HNRNPA1L2: variants seen among roughly 807,000 people sequenced by gnomAD.
HNRNPA1L2 encodes heterogeneous nuclear ribonucleoprotein A1 like 2, also known as heterogeneous nuclear ribonucleoprotein A1-like 2.
A neutral mutation model predicts 18.2 loss-of-function variants in HNRNPA1L2; 10 were observed. The ratio of observed to expected loss-of-function variants is 0.55; its 90% CI spans 0.34 to 0.93. HNRNPA1L2 has a LOEUF of 0.93. Ranked by LOEUF, HNRNPA1L2 falls within the 40% of genes least tolerant of loss-of-function variation. HNRNPA1L2 has a pLI of 0.02. For synonymous variants in HNRNPA1L2, 124 were observed against 138.6 expected, an observed-to-expected ratio of 0.89 and a Z score of 0.74; for missense variants, 308 against 394.4, an observed-to-expected ratio of 0.78 and a Z score of 1.85.
At chr13:52,630,899 A>G in the HNRNPA1L2 span, among the ~76,000 whole-genome samples, 1 of 152,230 alleles carries the variant, frequency 6.6e-6, no homozygotes, top group African/African-American at 2.4e-5. Context: ...AATTTAACTG[A>G]ATCATTCAGC....
the HNRNPA1L2 span, among the ~76,000 whole-genome samples, chr13:52,636,685 CAT>C: frequency 6.6e-6 from 1 of 152,148 alleles, no homozygotes; most frequent in Non-Finnish European, 1.5e-5. Flanking sequence ...AAATAAGTCA[CAT>C]ATTGTATAAA....
At chr13:52,622,899 G>T in the HNRNPA1L2 span, among the ~76,000 whole-genome samples, 1 of 151,926 alleles carries the variant, frequency 6.6e-6, no homozygotes, top group African/African-American at 2.4e-5. Context: ...TTTCAGGGAT[G>T]TCATTAATTC....
At chr13:52,637,346 T>G in the HNRNPA1L2 span, 8 of 225,900 alleles carry the variant, frequency 3.5e-5, no homozygotes, top group African/African-American at 1.8e-4. Flanking sequence ...TGATAAGCAG[T>G]TAGCCACAGA....
the HNRNPA1L2 span, among the ~76,000 whole-genome samples, chr13:52,629,788 C>T: frequency 7.7e-4 from 117 of 152,200 alleles, no homozygotes; most frequent in African/African-American, 2.4e-3. Context: ...CCACCATCAA[C>T]GAAAAGAAAG....
At chr13:52,617,641 G>A in the HNRNPA1L2 span, 9 of 468,962 alleles carry the variant, frequency 1.9e-5, no homozygotes, top group African/African-American at 1.4e-4. Flanking sequence ...AGACATCAGC[G>A]GCTGCAATTT....
the HNRNPA1L2 span, among the ~76,000 whole-genome samples, chr13:52,635,201 C>T: frequency 1.2e-4 from 18 of 151,840 alleles, no homozygotes; most frequent in Non-Finnish European, 2.1e-4. Context: ...TCATAGAAAC[C>T]GATTCAGAAA....
At chr13:52,635,398 A>G in the HNRNPA1L2 span, among the ~76,000 whole-genome samples, 1,307 of 151,076 alleles carry the variant, frequency 8.7e-3, 25 homozygotes, top group African/African-American at 0.031. Flanking sequence ...AAAATTAGGG[A>G]AAAAAGTAGC....
chr13:52,624,944 T>A, the HNRNPA1L2 span, among the ~76,000 whole-genome samples: 1 of 151,792 alleles, frequency 6.6e-6, no homozygotes, highest in African/African-American at 2.4e-5. Flanking sequence ...GGTGGGAGAA[T>A]CCCTTGAACC....
At chr13:52,622,776 A>T in the HNRNPA1L2 span, among the ~76,000 whole-genome samples, 1 of 152,120 alleles carries the variant, frequency 6.6e-6, no homozygotes, top group Non-Finnish European at 1.5e-5. Flanking sequence ...AGAGCATTGT[A>T]ATTACTTGTG....
chr13:52,628,132 C>A, the HNRNPA1L2 span, among the ~76,000 whole-genome samples: 1 of 151,976 alleles, frequency 6.6e-6, no homozygotes. Context: ...GCGTGTGTAC[C>A]AGATGTATTT....
chr13:52,620,508 C>G, the HNRNPA1L2 span, among the ~76,000 whole-genome samples: 1 of 152,230 alleles, frequency 6.6e-6, no homozygotes, highest in African/African-American at 2.4e-5. Flanking sequence ...ATTAGCAACA[C>G]CTGGGAGCTT....
the HNRNPA1L2 span, among the ~76,000 whole-genome samples, chr13:52,624,046 C>T: frequency 4.6e-5 from 7 of 152,280 alleles, no homozygotes; most frequent in East Asian, 9.7e-4. Context: ...GCTTTCTCAC[C>T]GCATGGTGGC....
At chr13:52,634,099 T>C in the HNRNPA1L2 span, among the ~76,000 whole-genome samples, 2 of 152,220 alleles carry the variant, frequency 1.3e-5, no homozygotes, top group Non-Finnish European at 2.9e-5. Context: ...TTAACATTTG[T>C]TCATTAGAAC....
chr13:52,642,259 G>A, upstream of HNRNPA1L2: 1 of 563,034 alleles, frequency 1.8e-6, no homozygotes, highest in Non-Finnish European at 3.1e-6. Flanking sequence ...TTCACAGCAA[G>A]GAAGAAGGGA....
At chr13:52,620,822 G>A in the HNRNPA1L2 span, among the ~76,000 whole-genome samples, 4 of 151,864 alleles carry the variant, frequency 2.6e-5, no homozygotes, top group African/African-American at 9.7e-5. Context: ...AGGCTGCAGT[G>A]AGCCAAGATC....
In HNRNPA1L2 at chr13:52,643,128, G is replaced by A. The variant is rs1365833447; in HGVS notation, c.636G>A (p.Gly212=). The A allele has an allele frequency of 5.0e-6, 8 of 1,597,878 alleles. No individual in the cohort carries two copies. The African/African-American group carries it at 8.0e-5, about 16-fold the overall frequency. The change falls in exon 1 of 1, where the codon GGG becomes GGA. Residue 212 remains glycine (G), a synonymous_variant. Coordinates refer to ENST00000357495, the MANE Select transcript of HNRNPA1L2 (RefSeq NM_001389320.1). ...GTGGTCGTGGAGATGGTTTCGGTGGGAATGACAACTTTGGTCGTGGAGGAA... is the reference window on the plus strand; with the variant it reads ...GTGGTCGTGGAGATGGTTTCGGTGGAAATGACAACTTTGGTCGTGGAGGAA... ...FGGGRGDGFG[G]NDNFGRGGNF...
chr13:52,634,434 G>A, the HNRNPA1L2 span, among the ~76,000 whole-genome samples: 7 of 152,160 alleles, frequency 4.6e-5, no homozygotes, highest in Non-Finnish European at 1.5e-5. Flanking sequence ...CTCTAGTGAG[G>A]AAAGTAGCAC....
At chr13:52,640,052 C>T (rs78918861), upstream of HNRNPA1L2, among the ~76,000 whole-genome samples, 2,094 of 152,220 alleles carry the variant, frequency 0.014, 46 homozygotes, top group African/African-American at 0.048. Context: ...GCAATCCTCT[C>T]ACTTCAGCCT....
the HNRNPA1L2 span, among the ~76,000 whole-genome samples, chr13:52,636,138 G>A: frequency 1.3e-5 from 2 of 152,094 alleles, no homozygotes; most frequent in Non-Finnish European, 2.9e-5. Flanking sequence ...CCCGGCTGAT[G>A]TATTACATTT....
Sources: gnomAD v4.1 joint callset for allele counts (sites outside exome capture counted in the v4.1 genomes callset) on GRCh38, gnomAD v4.1.1 for gene constraint, MANE v1.5 for transcripts, NCBI Gene and HGNC (gene_info 2026-07-23, HGNC 2026-07-21) for gene names.